RPS6KA2: variants seen among roughly 807,000 people sequenced by gnomAD.
RPS6KA2 encodes the protein ribosomal protein S6 kinase alpha-2.
In RPS6KA2, 42 loss-of-function variants were observed where a neutral mutation model predicts 91.8. The observed-to-expected ratio is 0.46, with a 90% CI of 0.36 to 0.59. The LOEUF is 0.59. Among genes scored for constraint, RPS6KA2 ranks in the 20% least tolerant of loss-of-function variants. RPS6KA2 has a pLI of 0.00. For synonymous variants in RPS6KA2, 414 were observed against 393.6 expected (o/e 1.05, Z -0.61); for missense variants, 798 against 978.5 (o/e 0.82, Z 2.46).
intron 11 of RPS6KA2, among the ~76,000 whole-genome samples, chr6:166,464,253 C>G (rs747867295): frequency 6.6e-6 from 1 of 152,198 alleles, no homozygotes; most frequent in Non-Finnish European, 1.5e-5. Context: ...TCAGGGCACA[C>G]CCCACGCGCT....
At chr6:166,525,748 G>A (rs757847317) in intron 3 of RPS6KA2, among the ~76,000 whole-genome samples, 107 of 152,206 alleles carry the variant, frequency 7.0e-4, no homozygotes, top group Non-Finnish European at 1.3e-3. Flanking sequence ...GGCTTTCGGG[G>A]TTTTGCTGTC....
rs150299976 is a variant in RPS6KA2 at position 166,537,656 on chromosome 6, T to C, written c.216+1012A>G. Among the ~76,000 whole-genome samples the C allele has an allele frequency of 1.5e-3, 233 of 152,384 alleles. 1 individual carries two copies. Among genetic ancestry groups the C allele is most frequent in the African/African-American group, 5.4e-3 (223 of 41,592 alleles). ...ATCCAGAACACTAATGTACTATTCATTCTACACTTAAATTAACAGCAGCCA... is the reference window on the plus strand; with the variant it reads ...ATCCAGAACACTAATGTACTATTCACTCTACACTTAAATTAACAGCAGCCA... On this transcript the variant is annotated intron_variant, in intron 2 of 20. Coordinates refer to ENST00000265678, the MANE Select transcript of RPS6KA2 (RefSeq NM_021135.6).
At chr6:166,714,116 A>T (rs1789945645) in intron 2 of RPS6KA2, among the ~76,000 whole-genome samples, 1 of 152,192 alleles carries the variant, frequency 6.6e-6, no homozygotes, top group Non-Finnish European at 1.5e-5. Context: ...CCTTCCTGTG[A>T]CTTCGAGCCT....
At chr6:166,468,714 A>T (rs1339931532) in intron 11 of RPS6KA2, among the ~76,000 whole-genome samples, 1 of 151,706 alleles carries the variant, frequency 6.6e-6, no homozygotes, top group Admixed American at 6.6e-5. Flanking sequence ...ATATAAAAAA[A>T]ATTAGCCGGG....
chr6:166,534,221 C>CAAAAAAAAAAAAAAAAAAAA (rs34585369), intron 2 of RPS6KA2, among the ~76,000 whole-genome samples: 3 of 59,338 alleles, frequency 5.1e-5, no homozygotes, highest in Non-Finnish European at 9.1e-5. Context: ...GACTCTGTCT[C>CAAAAAAAAAAAAAAAAAAAA]AAAAAAAAAA....
intron 1 of RPS6KA2, among the ~76,000 whole-genome samples, chr6:166,572,567 G>A (rs187434411): frequency 4.6e-5 from 7 of 152,354 alleles, no homozygotes; most frequent in Non-Finnish European, 1.0e-4. Flanking sequence ...AGCTCTCATT[G>A]CCGGCTGCTT....
At chr6:166,683,752 C>T (rs929503979) in intron 2 of RPS6KA2, among the ~76,000 whole-genome samples, 1 of 152,244 alleles carries the variant, frequency 6.6e-6, no homozygotes, top group African/African-American at 2.4e-5. Context: ...TCCAGGGCCT[C>T]ACTCCACCGC....
intron 2 of RPS6KA2, among the ~76,000 whole-genome samples, chr6:166,685,682 A>G (rs1788989996): frequency 6.6e-6 from 1 of 151,976 alleles, no homozygotes; most frequent in Non-Finnish European, 1.5e-5. Context: ...ACCACTCTTC[A>G]CCCTCACGAC....
Position 166,603,682 on chromosome 6 carries a change from G to C in RPS6KA2, c.99+23239C>G, listed in dbSNP as rs958990490. On this transcript the variant is annotated intron_variant, in intron 1 of 20. Coordinates refer to ENST00000265678, the MANE Select transcript of RPS6KA2 (RefSeq NM_021135.6). This position sits in a 1 kb window ranked among gnomAD's most constrained non-coding sequence, Gnocchi z 4.3. ...TGAACATGGCTGGCACATTCCGGGTGATCTAAGGCTCAAGTTAGACAAAGT... is the reference window on the plus strand; with the variant it reads ...TGAACATGGCTGGCACATTCCGGGTCATCTAAGGCTCAAGTTAGACAAAGT... Among the ~76,000 whole-genome samples, 7 of 152,200 alleles carry C rather than the reference G, an allele frequency of 4.6e-5. No individual in the cohort carries two copies. The highest frequency in any genetic ancestry group is 1.7e-4 in the African/African-American group (7 of 41,450).
intron 1 of RPS6KA2, among the ~76,000 whole-genome samples, chr6:166,616,341 C>T (rs1375304909): frequency 6.6e-6 from 1 of 152,192 alleles, no homozygotes; most frequent in Admixed American, 6.5e-5. Flanking sequence ...AACCCCGACG[C>T]ATGGATCACA....
At chr6:166,607,621 G>A (rs895573867) in intron 1 of RPS6KA2, among the ~76,000 whole-genome samples, 1 of 152,096 alleles carries the variant, frequency 6.6e-6, no homozygotes, top group Admixed American at 6.5e-5. Context: ...GGGTCGTGGA[G>A]GGGAAAAGGG....
intron 10 of RPS6KA2, among the ~76,000 whole-genome samples, chr6:166,486,295 C>T (rs7761596): frequency 0.11 from 16,812 of 151,730 alleles, 1,051 homozygotes; most frequent in Admixed American, 0.18. Flanking sequence ...CATGAACACA[C>T]ACACACAGTG....
Position 166,648,094 on chromosome 6 carries a change from G to A in RPS6KA2, c.124-109310C>T, listed in dbSNP as rs1331041602. Among the ~76,000 whole-genome samples, 4 of 137,060 alleles carry A rather than the reference G, an allele frequency of 2.9e-5. No individual in the cohort carries two copies. The highest frequency in any genetic ancestry group is 7.5e-5 in the Admixed American group (1 of 13,344). 89.9% of individuals were successfully genotyped at this position (137,060 alleles called of 152,430 possible). On this transcript the variant is annotated intron_variant, in intron 2 of 21. Transcript: ENST00000503859. This position sits in a 1 kb window ranked among gnomAD's most constrained non-coding sequence, Gnocchi z 4.8. ...CACACGCACATGGTCATACACACAC[G>A]CTCATACACACACGTGCACACACAC... is the stretch of plus-strand genomic sequence containing the variant.
At chr6:166,764,326 G>A (rs933616628) in intron 2 of RPS6KA2, among the ~76,000 whole-genome samples, 4 of 152,172 alleles carry the variant, frequency 2.6e-5, no homozygotes, top group Non-Finnish European at 5.9e-5. Flanking sequence ...ACTGTGAGGC[G>A]GGAGGAAGAG....
At chr6:166,672,640 A>C (rs9366043) in intron 2 of RPS6KA2, among the ~76,000 whole-genome samples, 74,597 of 151,788 alleles carry the variant, frequency 0.49, 19,061 homozygotes, top group African/African-American at 0.64. Context: ...CTACTGCGAT[A>C]CTGTTTACAA....
chr6:166,678,850 G>C (rs1788695451), intron 2 of RPS6KA2, among the ~76,000 whole-genome samples: 1 of 152,204 alleles, frequency 6.6e-6, no homozygotes, highest in Non-Finnish European at 1.5e-5. Flanking sequence ...CCGCAAAGCA[G>C]GTATTTTTTG....
At chr6:166,425,109 T>C (rs61138081) in intron 16 of RPS6KA2, among the ~76,000 whole-genome samples, 1,647 of 152,258 alleles carry the variant, frequency 0.011, 29 homozygotes, top group African/African-American at 0.036. Flanking sequence ...CTGGAGAAGC[T>C]TCCAGAATAA....
rs1790541030 is a variant in RPS6KA2 at position 166,732,036 on chromosome 6, G to T, written c.123+126164C>A. 6.6e-6 allele frequency among the ~76,000 whole-genome samples: 1 copy of T among 152,296 alleles called. No homozygotes were observed. The highest frequency in any genetic ancestry group is 2.4e-5 in the African/African-American group (1 of 41,558). ...AAATTTTTTATTAGTGGTGGCTACT[G>T]AGGAGACGGGAAGGGATGGGATTGG... On this transcript the variant is annotated intron_variant, in intron 2 of 21. Coordinates refer to the RPS6KA2 transcript ENST00000503859. The surrounding 1 kb of genome is among the most constrained non-coding windows in gnomAD (Gnocchi z 4.0).
At chr6:166,760,058 G>A (rs1209124146) in intron 2 of RPS6KA2, among the ~76,000 whole-genome samples, 1 of 152,216 alleles carries the variant, frequency 6.6e-6, no homozygotes, top group East Asian at 1.9e-4. Flanking sequence ...TTGTTTGAGG[G>A]TGTGGTGTTG....
Sources: gnomAD v4.1 joint callset for allele counts (sites outside exome capture counted in the v4.1 genomes callset) on GRCh38, gnomAD v4.1.1 for gene constraint, Gnocchi (gnomAD v3.1) non-coding constraint, MANE v1.5 for transcripts, NCBI Gene and HGNC (gene_info 2026-07-23, HGNC 2026-07-21) for gene names.